Variants in USP20 observed in about 807,000 individuals in gnomAD.
The protein encoded by USP20 is ubiquitin specific peptidase 20, also known as ubiquitin carboxyl-terminal hydrolase 20.
In USP20, 80 loss-of-function variants were observed where a neutral mutation model predicts 124.2. The ratio of observed to expected loss-of-function variants is 0.64; its 90% CI spans 0.54 to 0.78. USP20 has a LOEUF of 0.78. Among genes scored for constraint, USP20 ranks in the 30% least tolerant of loss-of-function variants. The probability of loss-of-function intolerance (pLI) is 0.00; values close to 1 mark genes in which losing one functional copy is unlikely to be tolerated. For synonymous variants in USP20, 481 were observed against 512.3 expected, an observed-to-expected ratio of 0.94 and a Z score of 0.83; for missense variants, 1,043 against 1,244.4, an observed-to-expected ratio of 0.84 and a Z score of 2.44.
Position 129,866,956 on chromosome 9 carries a change from T to C in USP20, c.691-1049T>C, listed in dbSNP as rs77094771. 2.6e-5 allele frequency among the ~76,000 whole-genome samples: 4 copies of C among 152,212 alleles called. No homozygotes were observed. The East Asian group carries it at 7.8e-4, about 29-fold the overall frequency. On this transcript the variant is annotated intron_variant, in intron 10 of 25. Coordinates refer to ENST00000372429, the MANE Select transcript of USP20 (RefSeq NM_001110303.4). ...GATCTTGGAGCCTGACACTTTGCCT[T>C]GGGGAGTCCCTCCTGAGCCCTCCCT...
rs1247907629 is a variant in USP20, at chr9:129,875,477, G to C, written c.2216G>C (p.Gly739Ala). 3 of 1,612,660 alleles carry C rather than the reference G, an allele frequency of 1.9e-6. No homozygotes were observed. Among genetic ancestry groups the C allele is most frequent in the African/African-American group, 2.7e-5 (2 of 74,922 alleles). The change falls in exon 20 of 26, where the codon GGA becomes GCA. Residue 739 changes from glycine (G) to alanine (A), a missense_variant and splice_region_variant. Coordinates refer to ENST00000372429, the MANE Select transcript of USP20 (RefSeq NM_001110303.4). Reference sequence around the variant, plus strand: ...AACCAGACCTTCCTCTGCTCCCACGGAGGTGAGGCGCCCCCTGTGGTGGGA... The same window carrying C: ...AACCAGACCTTCCTCTGCTCCCACGCAGGTGAGGCGCCCCCTGTGGTGGGA... ...ITNQTFLCSH[G>A]GIPPHKYHYI...
chr9:129,864,774 A>G (rs544830660), intron 9 of USP20, among the ~76,000 whole-genome samples: 2 of 510 alleles, frequency 3.9e-3, no homozygotes, highest in South Asian at 0.14. Context: ...ACTCTGTCCC[A>G]AAAAAAAAAA....
At chr9:129,875,771 G>C (rs2034366246) in intron 21 of USP20, 130 bp downstream of exon 21, 1 of 836,582 alleles carries the variant, frequency 1.2e-6, no homozygotes, top group Non-Finnish European at 1.8e-6. Context: ...GGGCAGCACA[G>C]AGCCGCCTTC....
At position 129,868,456 on chromosome 9, in the gene USP20, G is replaced by C. The variant is rs750768790; in HGVS notation, c.1135+7G>C. 6.8e-6 allele frequency: 11 copies of C among 1,607,634 alleles called. No homozygotes were observed. The stretch of plus-strand genomic sequence containing the variant: ...AGCCCCTGCCGGACGCCAGGTATCA[G>C]CTGGCCGGGGACTGCGGGAGGAACC... On this transcript the variant is annotated splice_region_variant and intron_variant, in intron 11 of 25. Coordinates refer to ENST00000372429, the MANE Select transcript of USP20 (RefSeq NM_001110303.4).
At chr9:129,862,644 G>A (rs1025103667) in intron 8 of USP20, among the ~76,000 whole-genome samples, 3 of 151,906 alleles carry the variant, frequency 2.0e-5, no homozygotes, top group African/African-American at 4.8e-5. Flanking sequence ...CGTGGCTTAC[G>A]CCTGTAATCC....
At position 129,852,642 on chromosome 9, in the gene USP20, G is replaced by C; in HGVS notation, c.81+6G>C. 6.3e-7 allele frequency: 1 copy of C among 1,583,476 alleles called. No homozygotes were observed. The highest frequency in any genetic ancestry group is 8.6e-7 in the Non-Finnish European group (1 of 1,163,312). On this transcript the variant is annotated splice_donor_region_variant and intron_variant, in intron 3 of 25. Coordinates refer to ENST00000372429, the MANE Select transcript of USP20 (RefSeq NM_001110303.4). ...ACTTGCTGCTCAAATCTAAGGTAAAGGGTCAGACCTTACGGGGCCAGGGCC... is the reference window on the plus strand; with the variant it reads ...ACTTGCTGCTCAAATCTAAGGTAAACGGTCAGACCTTACGGGGCCAGGGCC...
chr9:129,851,416 C>T lies in USP20; in HGVS notation c.-16-1124C>T, dbSNP rs147944299. ...TGGGACTACAGGCATGCACCAGCATCCCAGCTAATAATACATCTTAGTATG... is the reference window on the plus strand; with the variant it reads ...TGGGACTACAGGCATGCACCAGCATTCCAGCTAATAATACATCTTAGTATG... On this transcript the variant is annotated intron_variant, in intron 2 of 25. Coordinates refer to ENST00000372429, the MANE Select transcript of USP20 (RefSeq NM_001110303.4). Among the ~76,000 whole-genome samples the T allele has an allele frequency of 3.0e-4, 46 of 152,128 alleles. No homozygotes were observed. In the East Asian group the frequency reaches 7.6e-3, roughly 25 times the overall value.
At position 129,856,213 on chromosome 9, in the gene USP20, C is replaced by T. The variant is rs552847402; in HGVS notation, c.82-94C>T. ...TGAGACCTTCTGAGTGCATGTCAGC[C>T]AGGTGGGGCCCTCCAGGCAGGAGCA... On this transcript the variant is annotated intron_variant, in intron 3 of 25. Coordinates refer to ENST00000372429, the MANE Select transcript of USP20 (RefSeq NM_001110303.4). The T allele has an allele frequency of 1.0e-4, 135 of 1,286,514 alleles. No individual in the cohort carries two copies. The East Asian group carries it at 3.1e-3, about 29-fold the overall frequency. The allele number at this position is 1,286,514 out of a possible 1,614,324, so 79.7% of individuals were successfully genotyped here.
At chr9:129,857,339 C>A (rs1312059396) in intron 4 of USP20, among the ~76,000 whole-genome samples, 1 of 152,238 alleles carries the variant, frequency 6.6e-6, no homozygotes, top group Non-Finnish European at 1.5e-5. Context: ...GAAAATGGCA[C>A]GTGCTTTCTG....
intron 15 of USP20, among the ~76,000 whole-genome samples, chr9:129,871,739 G>A (rs2034138228): frequency 6.6e-6 from 1 of 152,186 alleles, no homozygotes; most frequent in South Asian, 2.1e-4. Flanking sequence ...TTTTTGAGAC[G>A]GAGTCTCTCT....
In USP20 at chr9:129,868,850, C is replaced by T; in HGVS notation, c.1136-12C>T. On this transcript the variant is annotated splice_polypyrimidine_tract_variant and intron_variant, in intron 11 of 25. Coordinates refer to ENST00000372429, the MANE Select transcript of USP20 (RefSeq NM_001110303.4). The stretch of plus-strand genomic sequence containing the variant: ...CTGCCCTGGCCCAGCATGGTACCCT[C>T]TCTGCCCCCAGAGCCGGACAATGAT... The T allele has an allele frequency of 1.9e-6, 3 of 1,545,362 alleles. No individual in the cohort carries two copies. Among genetic ancestry groups the T allele is most frequent in the Non-Finnish European group, 2.6e-6 (3 of 1,143,170 alleles).
intron 15 of USP20, among the ~76,000 whole-genome samples, chr9:129,871,314 A>G (rs1379081525): frequency 8.0e-6 from 1 of 125,498 alleles, no homozygotes; most frequent in Non-Finnish European, 1.7e-5. Context: ...TAACGTCCTT[A>G]GGGTTCATCC....
chr9:129,858,176 C>G, intron 5 of USP20, 64 bp downstream of exon 5: 1 of 1,537,974 alleles, frequency 6.5e-7, no homozygotes, highest in Non-Finnish European at 9.0e-7. Context: ...AACCCCAGCT[C>G]CACCTTCCCA....
intron 1 of USP20, among the ~76,000 whole-genome samples, chr9:129,849,455 G>A (rs1255143174): frequency 2.6e-5 from 4 of 152,200 alleles, no homozygotes; most frequent in Admixed American, 1.3e-4. Flanking sequence ...GGTGCTAAGA[G>A]TGATTTTAAA....
At chr9:129,868,494 C>A in intron 11 of USP20, 45 bp downstream of exon 11, 2 of 1,568,672 alleles carry the variant, frequency 1.3e-6, no homozygotes, top group Non-Finnish European at 1.7e-6. Context: ...AGCCTATGGC[C>A]CAGTACCTAC....
Position 129,879,430 on chromosome 9 carries a change from A to G in USP20, c.2513-143A>G, listed in dbSNP as rs1309923319. On this transcript the variant is annotated intron_variant, in intron 23 of 25. Coordinates refer to ENST00000372429, the MANE Select transcript of USP20 (RefSeq NM_001110303.4). The surrounding 1 kb of genome is among the most constrained non-coding windows in gnomAD (Gnocchi z 4.2). Reference sequence around the variant, plus strand: ...GGTCCTCAGACTGCCACAGAGGAGCATTGGGTGGCTCAGGCGCCTCATCCA... The same window carrying G: ...GGTCCTCAGACTGCCACAGAGGAGCGTTGGGTGGCTCAGGCGCCTCATCCA... The G allele has an allele frequency of 5.5e-6, 4 of 733,910 alleles. No homozygotes were observed. Among genetic ancestry groups the G allele is most frequent in the African/African-American group, 3.5e-5 (2 of 56,916 alleles). 45.5% of individuals were successfully genotyped at this position (733,910 alleles called of 1,614,324 possible). A position where few individuals can be genotyped will look rare whatever the true frequency, so the allele number is the denominator to read the frequency against.
At chr9:129,861,055 G>A (rs2033520175) in intron 7 of USP20, 22 bp downstream of exon 7, 1 of 1,609,232 alleles carries the variant, frequency 6.2e-7, no homozygotes, top group Non-Finnish European at 8.5e-7. Context: ...CACAGCAGGG[G>A]AAGCTGATGG....
chr9:129,839,449 G>A lies in USP20; in HGVS notation c.-129+3950G>A, dbSNP rs367738403. On this transcript the variant is annotated intron_variant, in intron 1 of 25. Coordinates refer to ENST00000372429, the MANE Select transcript of USP20 (RefSeq NM_001110303.4). The surrounding 1 kb of genome is among the most constrained non-coding windows in gnomAD (Gnocchi z 4.5). Reference sequence around the variant, plus strand: ...TGGGGAGGCCTGAGGGCTCTGCTTCGAGAGTCAGAGGATGGTGGCCTCCGA... The same window carrying A: ...TGGGGAGGCCTGAGGGCTCTGCTTCAAGAGTCAGAGGATGGTGGCCTCCGA... 6.7e-4 allele frequency among the ~76,000 whole-genome samples: 102 copies of A among 152,294 alleles called. 1 individual carries two copies. The highest frequency in any genetic ancestry group is 2.2e-3 in the African/African-American group (92 of 41,562).
intron 1 of USP20, among the ~76,000 whole-genome samples, chr9:129,840,079 G>T (rs1269569618): frequency 6.6e-6 from 1 of 152,140 alleles, no homozygotes; most frequent in Non-Finnish European, 1.5e-5. Flanking sequence ...GGAGGCTCTG[G>T]TGGGCCGGGA....
Sources: allele counts gnomAD v4.1 joint callset (sites outside exome capture counted in the v4.1 genomes callset), GRCh38; gene constraint gnomAD v4.1.1; non-coding constraint Gnocchi (gnomAD v3.1); transcripts MANE v1.5; gene names NCBI Gene and HGNC (gene_info 2026-07-23, HGNC 2026-07-21).